CNTNAP2: variants seen among roughly 807,000 people sequenced by gnomAD.
CNTNAP2 encodes the protein contactin-associated protein-like 2.
A neutral mutation model predicts 155.2 loss-of-function variants in CNTNAP2; 98 were observed. The observed-to-expected ratio is 0.63, with a 90% CI of 0.54 to 0.75. The LOEUF (loss-of-function observed/expected upper bound fraction) is 0.75. CNTNAP2 is among the 30% of genes least tolerant of loss of function. The pLI is 0.00. For missense variants in CNTNAP2, 1,727 were observed against 1,688.1 expected, an observed-to-expected ratio of 1.02 and a Z score of -0.40; for synonymous variants, 651 against 631.2, an observed-to-expected ratio of 1.03 and a Z score of -0.47.
rs1260667348 is a variant in CNTNAP2 at position 147,176,566 on chromosome 7, T to A, written c.1348+44057T>A. ...CTTTCCCAGAATGCCTTTTACTAGTTTTGTGAAATAAACAAGATAGATTAT... is the reference window on the plus strand; with the variant it reads ...CTTTCCCAGAATGCCTTTTACTAGTATTGTGAAATAAACAAGATAGATTAT... On this transcript the variant is annotated intron_variant, in intron 8 of 23. Transcript: ENST00000361727. Among the ~76,000 whole-genome samples the A allele has an allele frequency of 2.0e-5, 3 of 148,644 alleles. No homozygotes were observed. The East Asian group carries it at 5.9e-4, about 29-fold the overall frequency.
chr7:148,101,354 T>A (rs879934539), intron 15 of CNTNAP2, among the ~76,000 whole-genome samples: 2,055 of 18,938 alleles, frequency 0.11, 60 homozygotes, highest in African/African-American at 0.17. Flanking sequence ...AAGTTCAGTG[T>A]GTGTGTGTGT....
chr7:147,006,123 G>A (rs760414733), intron 3 of CNTNAP2, among the ~76,000 whole-genome samples: 5 of 152,008 alleles, frequency 3.3e-5, no homozygotes, highest in African/African-American at 4.8e-5. Flanking sequence ...ATGTATATAG[G>A]AGTACCCAGT....
At chr7:146,826,961 C>G (rs1803417287) in intron 2 of CNTNAP2, among the ~76,000 whole-genome samples, 1 of 151,322 alleles carries the variant, frequency 6.6e-6, no homozygotes, top group African/African-American at 2.4e-5. Flanking sequence ...CTGGAGAAGT[C>G]TAATTCTGCT....
At chr7:147,620,288 A>G (rs1801368952) in intron 12 of CNTNAP2, among the ~76,000 whole-genome samples, 1 of 152,162 alleles carries the variant, frequency 6.6e-6, no homozygotes, top group African/African-American at 2.4e-5. Flanking sequence ...AACATCTACT[A>G]GTATCAACAC....
rs201037583 is a variant in CNTNAP2 at position 147,025,862 on chromosome 7, TTTTA to T, written c.403-18044_403-18041del. Among the ~76,000 whole-genome samples the T allele has an allele frequency of 1.5e-3, 219 of 142,144 alleles. 2 individuals carry two copies. The highest frequency in any genetic ancestry group is 5.1e-3 in the African/African-American group (191 of 37,144). The allele number at this position is 142,144 out of a possible 152,430, so 93.3% of individuals were successfully genotyped here. A position where few individuals can be genotyped will look rare whatever the true frequency, so the allele number is the denominator to read the frequency against. On this transcript the variant is annotated intron_variant, in intron 3 of 23. Coordinates refer to ENST00000361727, the MANE Select transcript of CNTNAP2 (RefSeq NM_014141.6). ...GGTGTGTTGCTGTTGTTTTTTTTTTTTTTAAATTTTTATATATTTTTTAATTTGT... is the reference window on the plus strand; with the variant it reads ...GGTGTGTTGCTGTTGTTTTTTTTTTTAATTTTTATATATTTTTTAATTTGT...
chr7:147,982,766 C>G (rs888462029), intron 15 of CNTNAP2, among the ~76,000 whole-genome samples: 1 of 151,968 alleles, frequency 6.6e-6, no homozygotes, highest in Non-Finnish European at 1.5e-5. Context: ...ACCTGTAATC[C>G]CAGCACTTTG....
chr7:147,411,877 T>A (rs1265539185), intron 10 of CNTNAP2, among the ~76,000 whole-genome samples: 1 of 152,314 alleles, frequency 6.6e-6, no homozygotes, highest in Admixed American at 6.5e-5. Flanking sequence ...CTCTGCCCAG[T>A]TGATGTTTCG....
rs144536110 is a variant in CNTNAP2, at chr7:146,521,631, A to G, written c.98-252640A>G. 3.2e-4 allele frequency among the ~76,000 whole-genome samples: 49 copies of G among 152,130 alleles called. No individual in the cohort carries two copies. The East Asian group carries it at 8.5e-3, about 26-fold the overall frequency. ...TAAACACCAGAATTTTTGTATTTCT[A>G]TAGAGAACACCCCAACTATCAGACC... is the stretch of plus-strand genomic sequence containing the variant. On this transcript the variant is annotated intron_variant, in intron 1 of 23. Transcript: ENST00000361727.
chr7:147,593,011 A>C (rs1036119904), intron 12 of CNTNAP2, among the ~76,000 whole-genome samples: 1 of 152,184 alleles, frequency 6.6e-6, no homozygotes, highest in African/African-American at 2.4e-5. Context: ...TACTCAAAAC[A>C]TTATTTCCAT....
intron 1 of CNTNAP2, among the ~76,000 whole-genome samples, chr7:146,167,975 G>A (rs1420429519): frequency 6.6e-6 from 1 of 152,158 alleles, no homozygotes; most frequent in East Asian, 1.9e-4. Flanking sequence ...TTGAAAAGCT[G>A]AAGAACTTGA....
intron 17 of CNTNAP2, among the ~76,000 whole-genome samples, chr7:148,156,597 A>G (rs974752333): frequency 1.4e-4 from 22 of 152,194 alleles, no homozygotes; most frequent in Admixed American, 1.4e-3. Flanking sequence ...ATTTGTGCCA[A>G]TGTCTCTCAA....
intron 2 of CNTNAP2, chr7:146,782,173 G>A (rs1307647495): frequency 6.6e-6 from 1 of 152,028 alleles, no homozygotes; most frequent in Non-Finnish European, 1.5e-5. Context: ...CTACCATGTA[G>A]TACTTTTTAA....
At chr7:148,171,440 G>A (rs1039394432) in intron 17 of CNTNAP2, among the ~76,000 whole-genome samples, 5 of 152,092 alleles carry the variant, frequency 3.3e-5, no homozygotes, top group African/African-American at 9.7e-5. Context: ...TTATAGCTAA[G>A]AATACTATAG....
chr7:146,172,233 C>T (rs781546913), intron 1 of CNTNAP2, among the ~76,000 whole-genome samples: 8 of 151,942 alleles, frequency 5.3e-5, no homozygotes, highest in Non-Finnish European at 1.0e-4. Flanking sequence ...GATAGGATGC[C>T]TCCCAGGAAA....
chr7:146,921,210 T>C (rs1159122332), intron 3 of CNTNAP2, among the ~76,000 whole-genome samples: 1 of 152,158 alleles, frequency 6.6e-6, no homozygotes, highest in African/African-American at 2.4e-5. Flanking sequence ...ATTGTGGTGG[T>C]AATTATATTA....
chr7:147,315,674 G>A (rs542033475), intron 9 of CNTNAP2, among the ~76,000 whole-genome samples: 14 of 151,848 alleles, frequency 9.2e-5, no homozygotes, highest in African/African-American at 2.9e-4. Flanking sequence ...TAGAGATGGC[G>A]TTTAACTGTG....
chr7:146,381,954 G>A lies in CNTNAP2; in HGVS notation c.97+264981G>A, dbSNP rs1584898730. ...GAGCTCTCATCCTTCCCTGATTAAG[G>A]TTTGCCCCCATATGATAATAACTTC... On this transcript the variant is annotated intron_variant, in intron 1 of 23. Transcript: ENST00000361727. Among the ~76,000 whole-genome samples the A allele has an allele frequency of 4.6e-5, 7 of 152,208 alleles. No homozygotes were observed. The South Asian group carries it at 1.4e-3, about 32-fold the overall frequency.
At chr7:146,304,923 G>T (rs1347955260) in intron 1 of CNTNAP2, among the ~76,000 whole-genome samples, 2 of 151,832 alleles carry the variant, frequency 1.3e-5, no homozygotes, top group Non-Finnish European at 2.9e-5. Context: ...ATGTAGATTT[G>T]GTCTTTTCAC....
chr7:147,333,771 A>G (rs1228116529), intron 9 of CNTNAP2, among the ~76,000 whole-genome samples: 2 of 152,172 alleles, frequency 1.3e-5, no homozygotes, highest in African/African-American at 4.8e-5. Context: ...CACATAAATA[A>G]TGCCATAAGT....
Sources: allele counts gnomAD v4.1 joint callset (sites outside exome capture counted in the v4.1 genomes callset), GRCh38; gene constraint gnomAD v4.1.1; transcripts MANE v1.5; gene names NCBI Gene and HGNC (gene_info 2026-07-23, HGNC 2026-07-21).